CCDC3: variants seen among roughly 807,000 people sequenced by gnomAD.
CCDC3 encodes the protein coiled-coil domain containing 3.
CCDC3 carries 24 observed loss-of-function variants against 21.4 expected under a neutral mutation model. That is an observed-to-expected ratio of 1.12 (90% CI 0.81 to 1.58). CCDC3 has a LOEUF of 1.58. CCDC3 is among the 40% of genes most tolerant of loss of function. CCDC3 has a pLI of 0.00. For missense variants in CCDC3, 425 were observed against 360.9 expected, an observed-to-expected ratio of 1.18 and a Z score of -1.44; for synonymous variants, 186 against 166.0, an observed-to-expected ratio of 1.12 and a Z score of -0.93.
At chr10:13,077,046 A>G (rs1292352610) in intron 3 of CCDC3, among the ~76,000 whole-genome samples, 5 of 152,220 alleles carry the variant, frequency 3.3e-5, no homozygotes, top group Non-Finnish European at 5.9e-5. Flanking sequence ...AGGGTATTCA[A>G]TTAGGAAAAG....
In CCDC3 at chr10:13,009,775, A is replaced by G. The variant is rs549351867; in HGVS notation, c.-1-11263T>C. Among the ~76,000 whole-genome samples, 4 of 152,304 alleles carry G rather than the reference A, an allele frequency of 2.6e-5. No individual in the cohort carries two copies. The South Asian group carries it at 8.3e-4, about 32-fold the overall frequency. On this transcript the variant is annotated intron_variant, in intron 5 of 6. Coordinates refer to the CCDC3 transcript ENST00000378839. ...CACAAAAATTAACTCGAAATATAAA[A>G]CCTAAAACTATAAAACATCTAGGAG...
chr10:13,093,196 C>A (rs554316568), intron 3 of CCDC3, among the ~76,000 whole-genome samples: 4 of 152,202 alleles, frequency 2.6e-5, no homozygotes, highest in South Asian at 2.1e-4. Context: ...ACTCACAGTT[C>A]CACGTGGCTG....
At chr10:12,906,329 A>G (rs542048194) in intron 2 of CCDC3, among the ~76,000 whole-genome samples, 11 of 152,256 alleles carry the variant, frequency 7.2e-5, no homozygotes, top group Admixed American at 3.3e-4. Flanking sequence ...AGCCCAAACA[A>G]AGGGAACGCT....
chr10:13,098,541 A>C (rs79279469), exon 3 of CCDC3: 1,886 of 152,152 alleles, frequency 0.012, 42 homozygotes, highest in East Asian at 0.09. Flanking sequence ...CACCCCTTAC[A>C]GGCCCCGGGG....
At position 12,998,522 on chromosome 10, in the gene CCDC3, GA is replaced by G. The variant is rs746612818; in HGVS notation, c.375-11del. ...ATAATTTTCATCCATCCTAATGGAG[GA>G]AAAAAAGGCAGACATGTAGGCTAGA... On this transcript the variant is annotated splice_polypyrimidine_tract_variant and intron_variant, in intron 1 of 2. Transcript: ENST00000378825. The G allele has an allele frequency of 9.3e-6, 15 of 1,608,020 alleles. No individual in the cohort carries two copies. The highest frequency in any genetic ancestry group is 1.3e-5 in the Non-Finnish European group (15 of 1,178,052).
chr10:12,931,750 T>C (rs2131227966), intron 2 of CCDC3, among the ~76,000 whole-genome samples: 1 of 152,334 alleles, frequency 6.6e-6, no homozygotes, highest in African/African-American at 2.4e-5. Context: ...ATAACAGAAC[T>C]GTGGTACATA....
chr10:12,920,346 A>T (rs1834431022), intron 2 of CCDC3, among the ~76,000 whole-genome samples: 1 of 152,192 alleles, frequency 6.6e-6, no homozygotes, highest in African/African-American at 2.4e-5. Flanking sequence ...TTCCCACAAC[A>T]TGTACGAATT....
At chr10:12,994,587 G>A (rs957293139) in intron 2 of CCDC3, among the ~76,000 whole-genome samples, 22 of 152,090 alleles carry the variant, frequency 1.4e-4, no homozygotes, top group Middle Eastern at 6.8e-3. Context: ...AGCGTGTTCT[G>A]ATTAACAAAA....
chr10:13,059,037 A>G (rs75724004), intron 4 of CCDC3, among the ~76,000 whole-genome samples: 2,704 of 152,362 alleles, frequency 0.018, 23 homozygotes, highest in Non-Finnish European at 0.028. Context: ...AGGACAGATG[A>G]GAAACAGGGA....
At chr10:12,962,666 G>A (rs968002430) in intron 2 of CCDC3, among the ~76,000 whole-genome samples, 2 of 152,132 alleles carry the variant, frequency 1.3e-5, no homozygotes, top group African/African-American at 4.8e-5. Context: ...AACTGTCACT[G>A]TTACATTTAA....
chr10:13,012,121 T>C (rs1436369091), intron 5 of CCDC3, among the ~76,000 whole-genome samples: 1 of 152,150 alleles, frequency 6.6e-6, no homozygotes. Flanking sequence ...GAAATACCAT[T>C]TTGGACATAG....
chr10:12,989,104 T>A (rs1835642159), intron 2 of CCDC3, among the ~76,000 whole-genome samples: 1 of 152,208 alleles, frequency 6.6e-6, no homozygotes. Flanking sequence ...ACAAAGGTCT[T>A]CATAGCCCCC....
intron 2 of CCDC3, among the ~76,000 whole-genome samples, chr10:12,916,234 C>A (rs75803721): frequency 1.2e-4 from 19 of 152,124 alleles, no homozygotes; most frequent in African/African-American, 2.2e-4. Context: ...GCGATTGAGA[C>A]CAGCCTGGCC....
chr10:13,048,313 T>C (rs1411887684), intron 5 of CCDC3, among the ~76,000 whole-genome samples: 1 of 152,078 alleles, frequency 6.6e-6, no homozygotes, highest in African/African-American at 2.4e-5. Flanking sequence ...TGCCTCAGCC[T>C]CCCTAGTAGC....
intron 5 of CCDC3, among the ~76,000 whole-genome samples, chr10:13,032,557 G>C (rs1434514402): frequency 1.3e-5 from 2 of 152,166 alleles, no homozygotes; most frequent in East Asian, 3.9e-4. Context: ...AATTGTCCCT[G>C]CTTGCAGATG....
At chr10:12,994,926 C>G (rs1339830645) in intron 2 of CCDC3, among the ~76,000 whole-genome samples, 3 of 151,824 alleles carry the variant, frequency 2.0e-5, no homozygotes, top group Non-Finnish European at 2.9e-5. Context: ...ACTAAAAATA[C>G]AAAAATTAGC....
At chr10:13,041,096 CT>C (rs34636980) in intron 5 of CCDC3, among the ~76,000 whole-genome samples, 11 of 152,026 alleles carry the variant, frequency 7.2e-5, no homozygotes, top group Non-Finnish European at 1.6e-4. Context: ...GTCTAGCAGC[CT>C]TTTTAGTAAG....
intron 2 of CCDC3, chr10:13,098,617 T>C (rs1025897825): frequency 1.3e-5 from 2 of 151,708 alleles, no homozygotes; most frequent in Admixed American, 6.6e-5. Flanking sequence ...ATTATCCCAG[T>C]AGATAAACAA....
intron 5 of CCDC3, among the ~76,000 whole-genome samples, chr10:13,019,068 C>T (rs938796845): frequency 6.6e-6 from 1 of 151,926 alleles, no homozygotes; most frequent in Non-Finnish European, 1.5e-5. Context: ...CCCGTCTCTA[C>T]TAAAAATACA....
Sources: gnomAD v4.1 joint callset for allele counts (sites outside exome capture counted in the v4.1 genomes callset) on GRCh38, gnomAD v4.1.1 for gene constraint, MANE v1.5 for transcripts, NCBI Gene and HGNC (gene_info 2026-07-23, HGNC 2026-07-21) for gene names.